PUS10: variants seen among roughly 807,000 people sequenced by gnomAD.
The protein encoded by PUS10 is pseudouridine synthase 10.
PUS10 carries 59 observed loss-of-function variants against 75.0 expected under a neutral mutation model. The ratio of observed to expected loss-of-function variants is 0.79; its 90% CI spans 0.64 to 0.98. The LOEUF (loss-of-function observed/expected upper bound fraction) is 0.98, where lower values mean the gene tolerates loss of function less well. PUS10 is among the 50% of genes least tolerant of loss of function. The probability of loss-of-function intolerance (pLI) is 0.00; values close to 1 mark genes in which losing one functional copy is unlikely to be tolerated. For synonymous variants in PUS10, 219 were observed against 211.6 expected (o/e 1.03, Z -0.30); for missense variants, 650 against 614.4 (o/e 1.06, Z -0.61).
intron 15 of PUS10, among the ~76,000 whole-genome samples, chr2:60,948,924 GA>G (rs1321479334): frequency 1.3e-5 from 2 of 152,156 alleles, no homozygotes; most frequent in African/African-American, 4.8e-5. Flanking sequence ...AGATTCATAA[GA>G]ACTGAATCCT....
intron 4 of PUS10, among the ~76,000 whole-genome samples, chr2:60,989,708 T>A (rs957663977): frequency 3.3e-5 from 5 of 152,036 alleles, no homozygotes; most frequent in Non-Finnish European, 4.4e-5. Flanking sequence ...AACCTCCTCC[T>A]CCTGAGCTCA....
chr2:60,954,875 T>A, intron 12 of PUS10, 143 bp downstream of exon 12: 1 of 492,586 alleles, frequency 2.0e-6, no homozygotes. Context: ...GGGGCCTCCA[T>A]AATCCACAAA....
intron 4 of PUS10, among the ~76,000 whole-genome samples, chr2:60,977,012 G>A (rs1677073087): frequency 6.6e-6 from 1 of 152,130 alleles, no homozygotes; most frequent in African/African-American, 2.4e-5. Flanking sequence ...ATTTAATCCT[G>A]GACTATGTTT....
chr2:60,988,949 C>T (rs762198914), intron 4 of PUS10, among the ~76,000 whole-genome samples: 4 of 151,854 alleles, frequency 2.6e-5, no homozygotes, highest in Non-Finnish European at 4.4e-5. Flanking sequence ...GCCAGGCATG[C>T]GCTTTTGTTA....
chr2:61,002,606 C>T (rs1005142738), intron 4 of PUS10, among the ~76,000 whole-genome samples: 1 of 152,180 alleles, frequency 6.6e-6, no homozygotes, highest in Non-Finnish European at 1.5e-5. Context: ...ACCATGAGAT[C>T]ACTCTCAGGA....
At chr2:60,997,518 G>A (rs574900390) in intron 4 of PUS10, among the ~76,000 whole-genome samples, 59 of 150,788 alleles carry the variant, frequency 3.9e-4, no homozygotes, top group African/African-American at 1.4e-3. Context: ...GCTGAGGCAG[G>A]AGAATGGCGT....
At chr2:61,001,288 T>C (rs558136438) in intron 4 of PUS10, among the ~76,000 whole-genome samples, 8 of 144,868 alleles carry the variant, frequency 5.5e-5, no homozygotes, top group Non-Finnish European at 1.1e-4. Context: ...ATAAGCCACC[T>C]CTTCTTTTTT....
At chr2:60,960,639 C>T (rs1393165798) in intron 10 of PUS10, 122 bp from the exon 11 acceptor site, 1 of 803,746 alleles carries the variant, frequency 1.2e-6, no homozygotes, top group Non-Finnish European at 1.8e-6. Context: ...CAAGGCCTAT[C>T]CTTTACCTAA....
intron 4 of PUS10, among the ~76,000 whole-genome samples, chr2:61,001,154 G>A (rs1020379480): frequency 4.6e-5 from 7 of 152,268 alleles, no homozygotes; most frequent in Middle Eastern, 3.4e-3. Context: ...ATCTATCCAT[G>A]CTTTTCATCT....
At position 60,954,176 on chromosome 2, in the gene PUS10, G is replaced by A. The variant is rs373681775; in HGVS notation, c.1058-18C>T. The A allele has an allele frequency of 2.4e-5, 38 of 1,612,660 alleles. No individual in the cohort carries two copies. Among genetic ancestry groups the A allele is most frequent in the East Asian group, 2.0e-4 (9 of 44,884 alleles). ...GGGCCTTCCTGGCAGCACACACCCC[G>A]TCATGAAACAGAAACGTGTTGATGG... On this transcript the variant is annotated intron_variant, in intron 12 of 17. Transcript: ENST00000316752.
chr2:60,961,525 G>A lies in PUS10; in HGVS notation c.812C>T (p.Ser271Leu). The change falls in exon 10 of 18, where the codon TCA (serine) becomes TTA (leucine). Residue 271 changes from serine to leucine, a missense_variant. Coordinates refer to ENST00000316752, the MANE Select transcript of PUS10 (RefSeq NM_144709.4). ...FLKQFPCPPN[S>L]PKAVCAVLEI... ...AAGAACAGCGCATACAGCCTTTGGT[G>A]AGTTTGGAGGACAAGGAAACTGCCT... is the stretch of plus-strand genomic sequence containing the variant. 1.2e-6 allele frequency: 2 copies of A among 1,614,050 alleles called. No homozygotes were observed. Among genetic ancestry groups the A allele is most frequent in the Non-Finnish European group, 1.7e-6 (2 of 1,179,912 alleles).
intron 17 of PUS10, among the ~76,000 whole-genome samples, chr2:60,942,765 G>C (rs1442558050): frequency 6.6e-6 from 1 of 152,054 alleles, no homozygotes; most frequent in Non-Finnish European, 1.5e-5. Flanking sequence ...AGCACTTTGG[G>C]AGGCCGATCA....
intron 4 of PUS10, among the ~76,000 whole-genome samples, chr2:60,974,041 G>A (rs1676867758): frequency 6.6e-6 from 1 of 151,840 alleles, no homozygotes; most frequent in Non-Finnish European, 1.5e-5. Flanking sequence ...CTGCAGAGAA[G>A]AGCTACCCTC....
chr2:60,998,207 A>G (rs910021384), intron 4 of PUS10, among the ~76,000 whole-genome samples: 1 of 152,190 alleles, frequency 6.6e-6, no homozygotes, highest in African/African-American at 2.4e-5. Context: ...AGATTCTAGG[A>G]CTAATGGCCT....
chr2:61,007,393 G>T (rs1048233767), intron 3 of PUS10, among the ~76,000 whole-genome samples: 1 of 152,164 alleles, frequency 6.6e-6, no homozygotes, highest in South Asian at 2.1e-4. Flanking sequence ...GCCCAGAGGT[G>T]GAGGTTGCAA....
chr2:61,010,233 CTT>C (rs758940489), intron 2 of PUS10: 1 of 152,576 alleles, frequency 6.6e-6, no homozygotes, highest in East Asian at 1.9e-4. Context: ...CAAAACCAGT[CTT>C]ATTACTTTAC....
intron 14 of PUS10, among the ~76,000 whole-genome samples, chr2:60,953,359 C>T (rs1177859008): frequency 1.3e-5 from 2 of 152,242 alleles, no homozygotes; most frequent in Middle Eastern, 3.4e-3. Context: ...ATTATTCTCC[C>T]CCAGCCCTAG....
chr2:60,982,186 G>A (rs765402745), intron 4 of PUS10, among the ~76,000 whole-genome samples: 16 of 151,922 alleles, frequency 1.1e-4, no homozygotes, highest in Admixed American at 3.3e-4. Context: ...CAGGAACTCC[G>A]TATACTTACT....
rs1359292589 is a variant in PUS10 at position 61,018,081 on chromosome 2, C to T, written c.-89G>A. On this transcript the variant is annotated 5_prime_UTR_variant, in exon 1 of 18. Transcript: ENST00000316752. ...ATCAGCAACGTTTTTTTCGGGAGCTCCTGGGCGTCTCTCTGGGTCTCTGTG... is the reference window on the plus strand; with the variant it reads ...ATCAGCAACGTTTTTTTCGGGAGCTTCTGGGCGTCTCTCTGGGTCTCTGTG... 7.2e-6 allele frequency: 11 copies of T among 1,518,634 alleles called. No homozygotes were observed. Among genetic ancestry groups the T allele is most frequent in the Admixed American group, 6.6e-5 (3 of 45,572 alleles). The allele number at this position is 1,518,634 out of a possible 1,614,324, so 94.1% of individuals were successfully genotyped here.
Sources: allele counts gnomAD v4.1 joint callset (sites outside exome capture counted in the v4.1 genomes callset), GRCh38; gene constraint gnomAD v4.1.1; transcripts MANE v1.5; gene names NCBI Gene and HGNC (gene_info 2026-07-23, HGNC 2026-07-21).